Variants in TSPAN8 observed in about 807,000 individuals in gnomAD.
The protein encoded by TSPAN8 is tetraspanin-8.
Under a neutral mutation model 32.8 loss-of-function variants are expected in TSPAN8, and 21 were observed. That is an observed-to-expected ratio of 0.64 (90% CI 0.45 to 0.92). The LOEUF is 0.92. TSPAN8 is among the 40% of genes least tolerant of loss of function. The pLI is 0.00. For synonymous variants in TSPAN8, 95 were observed against 94.6 expected (o/e 1.00, Z -0.03); for missense variants, 269 against 281.9 (o/e 0.95, Z 0.33).
rs2137053070 is a variant in TSPAN8 at position 71,139,800 on chromosome 12, T to C, written c.172A>G (p.Ile58Val). The change falls in exon 4 of 9, where the codon ATA (isoleucine) becomes GTA (valine). Residue 58 changes from isoleucine to valine, a missense_variant. Transcript: ENST00000247829. ...ATGATGGCACCTACAGCAATCAATA[T>C]GTCCACAGCAACGTAGGAGCTAGAG... ...VGSSSYVAVD[I>V]LIAVGAIIMI... The C allele has an allele frequency of 1.2e-6, 2 of 1,614,062 alleles. No individual in the cohort carries two copies. Among genetic ancestry groups the C allele is most frequent in the Non-Finnish European group, 8.5e-7 (1 of 1,179,912 alleles).
intron 4 of TSPAN8, 57 bp downstream of exon 4, chr12:71,139,654 G>T: frequency 1.3e-6 from 2 of 1,585,106 alleles, no homozygotes; most frequent in African/African-American, 1.3e-5. Context: ...AATAGGGATG[G>T]GAGAGAATCC....
chr12:71,139,633 T>C, intron 4 of TSPAN8, 78 bp downstream of exon 4: 1 of 1,525,326 alleles, frequency 6.6e-7, no homozygotes, highest in Non-Finnish European at 8.8e-7. Context: ...TGGCACGTTC[T>C]TTTAACAGAC....
intron 7 of TSPAN8, among the ~76,000 whole-genome samples, chr12:71,131,552 G>C (rs777655496): frequency 1.5e-4 from 23 of 151,596 alleles, no homozygotes; most frequent in Non-Finnish European, 3.1e-4. Context: ...GGGTATTATA[G>C]ATATTAATAT....
intron 4 of TSPAN8, among the ~76,000 whole-genome samples, chr12:71,138,456 A>T (rs993575572): frequency 3.9e-5 from 6 of 152,226 alleles, no homozygotes; most frequent in Admixed American, 3.9e-4. Context: ...AGGCAAAAAA[A>T]TTATCAAAAC....
At chr12:71,145,337 T>C (rs917479611) in intron 2 of TSPAN8, among the ~76,000 whole-genome samples, 19 of 152,062 alleles carry the variant, frequency 1.2e-4, no homozygotes, top group East Asian at 9.6e-4. Flanking sequence ...AATGGAGAAA[T>C]TGGAATCCTG....
intron 4 of TSPAN8, 90 bp from the exon 5 acceptor site, chr12:71,138,320 G>A: frequency 2.6e-6 from 3 of 1,159,920 alleles, no homozygotes; most frequent in Non-Finnish European, 2.5e-6. Flanking sequence ...TCTACAGCTG[G>A]GATTATATCA....
At chr12:71,142,604 A>G (rs1429640762) in intron 3 of TSPAN8, among the ~76,000 whole-genome samples, 2 of 152,144 alleles carry the variant, frequency 1.3e-5, no homozygotes, top group Non-Finnish European at 2.9e-5. Flanking sequence ...GGGCTCACAC[A>G]CCAGAGCTCC....
At chr12:71,132,968 T>C in intron 6 of TSPAN8, 144 bp from the exon 7 acceptor site, 2 of 998,858 alleles carry the variant, frequency 2.0e-6, no homozygotes, top group East Asian at 2.8e-5. Flanking sequence ...TTTCTCTGTG[T>C]AGAAGTAAAA....
chr12:71,127,512 A>G (rs996642467), intron 8 of TSPAN8, among the ~76,000 whole-genome samples: 1 of 152,196 alleles, frequency 6.6e-6, no homozygotes, highest in South Asian at 2.1e-4. Context: ...TGACTTCTCG[A>G]ATTCAAAAAC....
At chr12:71,155,071 T>A (rs2137063295) in intron 2 of TSPAN8, among the ~76,000 whole-genome samples, 2 of 152,322 alleles carry the variant, frequency 1.3e-5, no homozygotes, top group South Asian at 4.1e-4. Context: ...TCACTTGCAA[T>A]CTGGTAAGTA....
intron 2 of TSPAN8, among the ~76,000 whole-genome samples, chr12:71,151,902 G>A (rs577245560): frequency 4.0e-4 from 61 of 152,286 alleles, no homozygotes; most frequent in African/African-American, 1.3e-3. Flanking sequence ...CTCTACTCCT[G>A]CATATGCCTC....
At chr12:71,142,208 T>C (rs957301582) in intron 3 of TSPAN8, among the ~76,000 whole-genome samples, 5 of 152,184 alleles carry the variant, frequency 3.3e-5, no homozygotes, top group Non-Finnish European at 5.9e-5. Flanking sequence ...TGGCAGACAC[T>C]GGCTTTTGTT....
rs112716754 is a variant in TSPAN8, at chr12:71,154,354, A to C, written c.60+3265T>G. 8.8e-3 allele frequency among the ~76,000 whole-genome samples: 1,278 copies of C among 145,336 alleles called. 24 individuals are homozygous for C. The highest frequency in any genetic ancestry group is 0.03 in the African/African-American group (1,154 of 38,996). On this transcript the variant is annotated intron_variant, in intron 2 of 8. Coordinates refer to ENST00000247829, the MANE Select transcript of TSPAN8 (RefSeq NM_004616.3). ...TAATAATAATAATAATAATAATAATAATCAGAGCTCGCCAGGAAAGCAATG... is the reference window on the plus strand; with the variant it reads ...TAATAATAATAATAATAATAATAATCATCAGAGCTCGCCAGGAAAGCAATG...
chr12:71,147,266 T>C (rs1872106369), intron 2 of TSPAN8, among the ~76,000 whole-genome samples: 1 of 152,188 alleles, frequency 6.6e-6, no homozygotes, highest in South Asian at 2.1e-4. Context: ...AATGTTGATT[T>C]GTCCTTTTCT....
intron 3 of TSPAN8, among the ~76,000 whole-genome samples, chr12:71,140,803 A>G (rs1470245208): frequency 3.9e-5 from 6 of 152,180 alleles, no homozygotes; most frequent in Non-Finnish European, 8.8e-5. Flanking sequence ...CATAAATCCT[A>G]TATGTAGCCC....
intron 2 of TSPAN8, among the ~76,000 whole-genome samples, chr12:71,145,013 A>G (rs1332037964): frequency 6.6e-6 from 1 of 152,078 alleles, no homozygotes; most frequent in Non-Finnish European, 1.5e-5. Context: ...ATCTATTATT[A>G]GATAGAGATG....
chr12:71,138,276 T>TACCC, intron 4 of TSPAN8, 46 bp from the exon 5 acceptor site: 1 of 1,562,556 alleles, frequency 6.4e-7, no homozygotes, highest in Non-Finnish European at 8.8e-7. Context: ...GTGCATTCAG[T>TACCC]AACATCTGGG....
Position 71,144,153 on chromosome 12 carries a change from C to A in TSPAN8, c.121G>T (p.Ala41Ser). The change falls in exon 3 of 9, where the codon GCA becomes TCA. Residue 41 changes from alanine to serine, a missense_variant and splice_region_variant. Coordinates refer to ENST00000247829, the MANE Select transcript of TSPAN8 (RefSeq NM_004616.3). Reference sequence around the variant, plus strand: ...GTGACTTGTTTTTGCATACTTACTGCTTGAGAGTCATTGCTTACTCGTACC... The same window carrying A: ...GTGACTTGTTTTTGCATACTTACTGATTGAGAGTCATTGCTTACTCGTACC... ...IWVRVSNDSQ[A>S]IFGSEDVGSS... is the part of the protein sequence containing the mutation. The A allele has an allele frequency of 6.2e-7, 1 of 1,611,456 alleles. No homozygotes were observed.
rs536234214 is a variant in TSPAN8 at position 71,155,971 on chromosome 12, T to C, written c.60+1648A>G. ...TGGTCTCAAACTCCTGACCTTGTGA[T>C]CCACCCATCTCGGTCTCCCAAAGTG... On this transcript the variant is annotated intron_variant, in intron 2 of 8. Coordinates refer to ENST00000247829, the MANE Select transcript of TSPAN8 (RefSeq NM_004616.3). Among the ~76,000 whole-genome samples the C allele has an allele frequency of 9.2e-5, 14 of 152,178 alleles. No homozygotes were observed. The South Asian group carries it at 2.7e-3, about 29-fold the overall frequency.
Sources: gnomAD v4.1 joint callset for allele counts (sites outside exome capture counted in the v4.1 genomes callset) on GRCh38, gnomAD v4.1.1 for gene constraint, MANE v1.5 for transcripts, NCBI Gene and HGNC (gene_info 2026-07-23, HGNC 2026-07-21) for gene names.